Variants in NCOA2 observed in about 807,000 individuals in gnomAD.
The protein encoded by NCOA2 is nuclear receptor coactivator 2, also known as class E basic helix-loop-helix protein 75.
NCOA2 carries 21 observed loss-of-function variants against 145.1 expected under a neutral mutation model. The observed-to-expected ratio is 0.14, with a 90% CI of 0.10 to 0.21. The LOEUF is 0.21. Ranked by LOEUF, NCOA2 falls within the 10% of genes least tolerant of loss-of-function variation. The pLI, the probability that NCOA2 is intolerant of heterozygous loss-of-function variation, is 1.00. For missense variants in NCOA2, 1,472 were observed against 1,837.6 expected, an observed-to-expected ratio of 0.80 and a Z score of 3.64; for synonymous variants, 619 against 637.5, an observed-to-expected ratio of 0.97 and a Z score of 0.44.
At chr8:70,259,238 T>G (rs1008572335) in intron 2 of NCOA2, among the ~76,000 whole-genome samples, 1 of 152,176 alleles carries the variant, frequency 6.6e-6, no homozygotes, top group African/African-American at 2.4e-5. Flanking sequence ...CTGAAACCAA[T>G]GGACTACGCT....
chr8:70,157,190 C>T lies in NCOA2; in HGVS notation c.1175G>A (p.Gly392Glu), dbSNP rs1812394215. Residue 392 changes from glycine to glutamate, a missense_variant, in exon 11 of 23, where the codon GGG becomes GAG. Around this residue, in one of 4 missense-constraint regions of NCOA2, gnomAD observed 953 missense variants for 1,062.1 expected, o/e 0.90. Transcript: ENST00000452400. ...AGAGCTAATTGGATTCAGTGGCTTC[C>T]CCATCGTTTGTCCAGTCAGATCCGG... The part of the protein sequence containing the change: ...MNPDLTGQTM[G>E]KPLNPISSNS... 1 of 1,591,888 alleles carries T rather than the reference C, an allele frequency of 6.3e-7. No homozygotes were observed. Among genetic ancestry groups the T allele is most frequent in the Non-Finnish European group, 8.6e-7 (1 of 1,166,410 alleles).
rs1430673890 is a variant in NCOA2 at position 70,111,120 on chromosome 8, A to T, written c.*2512T>A. ...TCCATTACCTGATTGAAACCGTAAGAGAATTTATCATCTCTTTTCCTTCAA... is the reference window on the plus strand; with the variant it reads ...TCCATTACCTGATTGAAACCGTAAGTGAATTTATCATCTCTTTTCCTTCAA... On this transcript the variant is annotated 3_prime_UTR_variant, in exon 23 of 23. Coordinates refer to ENST00000452400, the MANE Select transcript of NCOA2 (RefSeq NM_006540.4). 4.5e-6 allele frequency: 1 copy of T among 220,322 alleles called. No homozygotes were observed. Among genetic ancestry groups the T allele is most frequent in the Non-Finnish European group, 9.1e-6 (1 of 110,038 alleles). The allele number at this position is 220,322 out of a possible 1,614,324, so 13.6% of individuals were successfully genotyped here.
intron 22 of NCOA2, among the ~76,000 whole-genome samples, chr8:70,116,641 G>A (rs1319803626): frequency 2.0e-5 from 3 of 152,190 alleles, no homozygotes; most frequent in Non-Finnish European, 4.4e-5. Context: ...CCCTGTCAAT[G>A]TGCACATAAG....
At chr8:70,397,514 C>T (rs1813787278) in intron 1 of NCOA2, among the ~76,000 whole-genome samples, 1 of 150,656 alleles carries the variant, frequency 6.6e-6, no homozygotes, top group African/African-American at 2.4e-5. Context: ...AAACTGACAA[C>T]CATAGCAGAA....
chr8:70,133,698 CATTCTT>C (rs1387999776), intron 15 of NCOA2, among the ~76,000 whole-genome samples: 3 of 152,210 alleles, frequency 2.0e-5, no homozygotes, highest in African/African-American at 4.8e-5. Flanking sequence ...TGAGCAAACT[CATTCTT>C]AAGCAAGTCA....
intron 1 of NCOA2, among the ~76,000 whole-genome samples, chr8:70,298,521 G>A (rs115559378): frequency 0.011 from 1,605 of 152,274 alleles, 40 homozygotes; most frequent in African/African-American, 0.037. Context: ...AGTAATAGGA[G>A]TCATCAACTC....
At chr8:70,391,152 C>A (rs1334077019) in intron 1 of NCOA2, among the ~76,000 whole-genome samples, 3 of 152,132 alleles carry the variant, frequency 2.0e-5, no homozygotes, top group Admixed American at 6.5e-5. Flanking sequence ...ACAGAAACTT[C>A]CAAATTCAAA....
chr8:70,192,843 C>A (rs1816835514), intron 4 of NCOA2, among the ~76,000 whole-genome samples: 1 of 151,932 alleles, frequency 6.6e-6, no homozygotes, highest in East Asian at 1.9e-4. Context: ...CGGAGGCGGG[C>A]AGATCACGAG....
At position 70,148,281 on chromosome 8, in the gene NCOA2, G is replaced by A; in HGVS notation, c.2597C>T (p.Ser866Leu). Residue 866 changes from serine (S) to leucine (L), a missense_variant, in exon 12 of 23, where the codon TCA becomes TTA. Transcript: ENST00000452400. ...VGAQKTALRI[S>L]QSTFNNPRPG... ...CCATTTCTCATACTCACTGCTCTGTGAAATTCGCAGTGCTGTTTTCTGGGC... is the reference window on the plus strand; with the variant it reads ...CCATTTCTCATACTCACTGCTCTGTAAAATTCGCAGTGCTGTTTTCTGGGC... 1 of 1,613,756 alleles carries A rather than the reference G, an allele frequency of 6.2e-7. No individual in the cohort carries two copies. The highest frequency in any genetic ancestry group is 8.5e-7 in the Non-Finnish European group (1 of 1,179,674).
chr8:70,273,748 GA>G, intron 2 of NCOA2: 1 of 607,420 alleles, frequency 1.6e-6, no homozygotes, highest in Non-Finnish European at 3.2e-6. Context: ...TCTGTGGGTG[GA>G]AAAGCACCAC....
chr8:70,380,579 G>A (rs879258925), intron 1 of NCOA2, among the ~76,000 whole-genome samples: 4 of 152,096 alleles, frequency 2.6e-5, no homozygotes, highest in Admixed American at 2.0e-4. Flanking sequence ...TTAGAACTGT[G>A]TGTGTTTATT....
At chr8:70,205,169 G>A (rs912111027) in intron 4 of NCOA2, among the ~76,000 whole-genome samples, 2 of 151,954 alleles carry the variant, frequency 1.3e-5, no homozygotes, top group Admixed American at 6.6e-5. Flanking sequence ...CAAAGGAGAT[G>A]AATTCATATT....
chr8:70,250,661 A>G (rs922618338), intron 2 of NCOA2, among the ~76,000 whole-genome samples: 1 of 152,162 alleles, frequency 6.6e-6, no homozygotes, highest in African/African-American at 2.4e-5. Flanking sequence ...TATAATACAA[A>G]TGTTAAAAAA....
At chr8:70,228,772 T>C (rs939333370) in intron 2 of NCOA2, among the ~76,000 whole-genome samples, 2 of 152,202 alleles carry the variant, frequency 1.3e-5, no homozygotes, top group East Asian at 1.9e-4. Context: ...TTGAAAGAAA[T>C]TGAGATAATT....
chr8:70,125,696 C>A (rs116822932), intron 19 of NCOA2, among the ~76,000 whole-genome samples: 2,989 of 152,252 alleles, frequency 0.02, 122 homozygotes, highest in African/African-American at 0.068. Context: ...TAGCTGTATT[C>A]ATGGTTAGCT....
At position 70,148,406 on chromosome 8, in the gene NCOA2, G is replaced by A. The variant is rs149570843; in HGVS notation, c.2472C>T (p.Asp824=). Residue 824 remains aspartate (D), a synonymous_variant, in exon 12 of 23, where the codon GAC becomes GAT. Coordinates refer to ENST00000452400, the MANE Select transcript of NCOA2 (RefSeq NM_006540.4). ...QNSQLPQLFP[D]TRPGAPAGSV... ...ATCCAGCAGGGGCGCCTGGCCTCGT[G>A]TCTGGGAAAAGCTGTGGTAATTGAC... The A allele has an allele frequency of 6.2e-7, 1 of 1,613,936 alleles. No homozygotes were observed. Among genetic ancestry groups the A allele is most frequent in the African/African-American group, 1.3e-5 (1 of 75,034 alleles).
At chr8:70,137,499 T>G (rs1315371126) in intron 15 of NCOA2, among the ~76,000 whole-genome samples, 1 of 152,252 alleles carries the variant, frequency 6.6e-6, no homozygotes, top group Admixed American at 6.5e-5. Context: ...TGTGTTATAT[T>G]CAAGTTTCCA....
the NCOA2 span, among the ~76,000 whole-genome samples, chr8:70,444,588 T>A: frequency 1.3e-5 from 2 of 152,212 alleles, no homozygotes; most frequent in Non-Finnish European, 2.9e-5. Flanking sequence ...TATTGTACTA[T>A]AATTATGCAA....
At chr8:70,439,146 A>G in the NCOA2 span, among the ~76,000 whole-genome samples, 1 of 152,064 alleles carries the variant, frequency 6.6e-6, no homozygotes, top group Admixed American at 6.5e-5. Flanking sequence ...TTTTCCTTTT[A>G]TCTGTGGTTT....
Sources: gnomAD v4.1 joint callset for allele counts (sites outside exome capture counted in the v4.1 genomes callset) on GRCh38, gnomAD v4.1.1 for gene constraint, gnomAD v4.1.1 regional missense constraint, MANE v1.5 for transcripts, NCBI Gene and HGNC (gene_info 2026-07-23, HGNC 2026-07-21) for gene names.